TAF1B: variants seen among roughly 807,000 people sequenced by gnomAD.
The protein encoded by TAF1B is TATA box-binding protein-associated factor RNA polymerase I subunit B.
In TAF1B, 61 loss-of-function variants were observed where a neutral mutation model predicts 83.9. The ratio of observed to expected loss-of-function variants is 0.73; its 90% CI spans 0.59 to 0.90. The LOEUF (loss-of-function observed/expected upper bound fraction) is 0.90. TAF1B is among the 40% of genes least tolerant of loss of function. The pLI, the probability that TAF1B is intolerant of heterozygous loss-of-function variation, is 0.00. For synonymous variants in TAF1B, 221 were observed against 224.6 expected, an observed-to-expected ratio of 0.98 and a Z score of 0.14; for missense variants, 625 against 677.0, an observed-to-expected ratio of 0.92 and a Z score of 0.85.
In TAF1B at chr2:9,899,954, T is replaced by A. The variant is rs542883141; in HGVS notation, c.808-4905T>A. Among the ~76,000 whole-genome samples the A allele has an allele frequency of 4.3e-4, 65 of 152,342 alleles. 1 individual carries two copies. In the East Asian group the frequency reaches 6.4e-3, roughly 15 times the overall value. ...AGCACGTTTTCTTAGCTGCTTAATA[T>A]GATGCATGATATGTGTATCTAACAT... On this transcript the variant is annotated intron_variant, in intron 8 of 14. Coordinates refer to ENST00000263663, the MANE Select transcript of TAF1B (RefSeq NM_005680.3).
intron 12 of TAF1B, 120 bp downstream of exon 12, chr2:9,913,369 A>G: frequency 2.8e-6 from 2 of 716,010 alleles, no homozygotes; most frequent in East Asian, 2.6e-5. Flanking sequence ...TTTTCTGGAA[A>G]TATTAGCCCT....
At chr2:9,880,340 T>A (rs1295685889) in intron 7 of TAF1B, among the ~76,000 whole-genome samples, 1 of 151,994 alleles carries the variant, frequency 6.6e-6, no homozygotes, top group South Asian at 2.1e-4. Context: ...ACACCAGTTT[T>A]TCTGTCAACT....
intron 7 of TAF1B, among the ~76,000 whole-genome samples, chr2:9,877,331 C>G (rs553427749): frequency 1.6e-4 from 25 of 152,314 alleles, no homozygotes; most frequent in African/African-American, 5.8e-4. Context: ...CATCTGTCTC[C>G]TTGATCCAGC....
chr2:9,868,564 T>C, intron 6 of TAF1B, 135 bp downstream of exon 6: 1 of 1,245,936 alleles, frequency 8.0e-7, no homozygotes, highest in South Asian at 1.3e-5. Flanking sequence ...AAGAATGACT[T>C]GCTGAATCAT....
chr2:9,897,417 T>C lies in TAF1B; in HGVS notation c.808-7442T>C, dbSNP rs75871373. Among the ~76,000 whole-genome samples the C allele has an allele frequency of 1.2e-3, 178 of 152,368 alleles. 3 individuals carry two copies. In the East Asian group the frequency reaches 0.03, roughly 26 times the overall value. On this transcript the variant is annotated intron_variant, in intron 8 of 14. Transcript: ENST00000263663. ...GTCCTCTCAAGAATTAGTCATTTCATCATCCCTCACTAGACGCAGCAAGAA... is the reference window on the plus strand; with the variant it reads ...GTCCTCTCAAGAATTAGTCATTTCACCATCCCTCACTAGACGCAGCAAGAA...
intron 5 of TAF1B, 51 bp downstream of exon 5, chr2:9,854,472 T>G (rs1663495132): frequency 7.2e-7 from 1 of 1,397,886 alleles, no homozygotes; most frequent in South Asian, 1.2e-5. Context: ...TGTTGAGATG[T>G]AGAGATGAAG....
chr2:9,911,667 C>A, intron 11 of TAF1B, 110 bp downstream of exon 11: 2 of 599,718 alleles, frequency 3.3e-6, no homozygotes, highest in Non-Finnish European at 2.7e-6. Flanking sequence ...CACATAAACA[C>A]ATGTATACAA....
chr2:9,931,149 G>A (rs374502601), intron 14 of TAF1B, among the ~76,000 whole-genome samples: 1 of 151,968 alleles, frequency 6.6e-6, no homozygotes, highest in East Asian at 1.9e-4. Flanking sequence ...TTTTAATTGG[G>A]GCATTTAGCC....
Position 9,919,245 on chromosome 2 carries a change from A to G in TAF1B, c.1342+134A>G, listed in dbSNP as rs553987166. ...AATGTTCCAGGGCACATGTACATCC[A>G]AAGGAGCATCATACTCTGCAAGAAA... On this transcript the variant is annotated intron_variant, in intron 13 of 14. Coordinates refer to ENST00000263663, the MANE Select transcript of TAF1B (RefSeq NM_005680.3). The G allele has an allele frequency of 1.2e-4, 85 of 706,612 alleles. 1 individual carries two copies. Among genetic ancestry groups the G allele is most frequent in the South Asian group, 9.3e-4 (51 of 54,672 alleles). The allele number at this position is 706,612 out of a possible 1,614,324, so 43.8% of individuals were successfully genotyped here. A position where few individuals can be genotyped will look rare whatever the true frequency, so the allele number is the denominator to read the frequency against.
chr2:9,856,182 G>A (rs1663560256), intron 5 of TAF1B, among the ~76,000 whole-genome samples: 1 of 152,036 alleles, frequency 6.6e-6, no homozygotes, highest in Non-Finnish European at 1.5e-5. Flanking sequence ...AGCTCCTTCA[G>A]TATCCTCATG....
chr2:9,910,837 A>C lies in TAF1B; in HGVS notation c.1057A>C (p.Lys353Gln). The C allele has an allele frequency of 1.2e-6, 2 of 1,613,746 alleles. No individual in the cohort carries two copies. The highest frequency in any genetic ancestry group is 8.5e-7 in the Non-Finnish European group (1 of 1,179,774). Reference sequence around the variant, plus strand: ...TATAGCTAAAATGGCAAAAACTGTTAAGTACGATGTACAAGCTGTAGCTAT... The same window carrying C: ...TATAGCTAAAATGGCAAAAACTGTTCAGTACGATGTACAAGCTGTAGCTAT... ...DPIAKMAKTVKYDVQAVAIIV... is the reference protein window; with the variant it reads ...DPIAKMAKTVQYDVQAVAIIV... The change falls in exon 10 of 15, where the codon AAG (lysine) becomes CAG (glutamine). Residue 353 changes from lysine (K) to glutamine (Q), a missense_variant. Lys to Gln is a moderately conservative substitution (Grantham distance 53). Transcript: ENST00000263663.
Position 9,923,376 on chromosome 2 carries a change from CGATTAAAGAGT to C in TAF1B, c.1565+3558_1565+3568del, listed in dbSNP as rs560651124. The stretch of plus-strand genomic sequence containing the variant: ...AAAAAAAGTTGAGCTGCATCTACAA[CGATTAAAGAGT>C]GGCACTGTTGGCCGGGCACGGTGGT... On this transcript the variant is annotated intron_variant, in intron 14 of 14. Transcript: ENST00000263663. Among the ~76,000 whole-genome samples, 1,321 of 151,988 alleles carry C rather than the reference CGATTAAAGAGT, an allele frequency of 8.7e-3. 8 individuals are homozygous for C. Among genetic ancestry groups the C allele is most frequent in the Non-Finnish European group, 0.015 (986 of 67,996 alleles).
Position 9,913,173 on chromosome 2 carries a change from G to T in TAF1B, c.1195G>T (p.Asp399Tyr). ...ATTTCTTTCAGATAAGCCATGGTTT[G>T]ATTTCAGAAAGTGGTACCAAATTAT... Reference protein sequence around the residue: ...EKNKKDKPWFDFRKWYQIMKK... With the variant: ...EKNKKDKPWFYFRKWYQIMKK... The change falls in exon 12 of 15, where the codon GAT (aspartate) becomes TAT (tyrosine). Residue 399 changes from aspartate (D) to tyrosine (Y), a missense_variant. By Grantham distance (160) the Asp-to-Tyr change is radical. Transcript: ENST00000263663. 1 of 1,607,308 alleles carries T rather than the reference G, an allele frequency of 6.2e-7. No homozygotes were observed. Among genetic ancestry groups the T allele is most frequent in the Non-Finnish European group, 8.5e-7 (1 of 1,177,882 alleles).
chr2:9,887,169 GA>G (rs1664703922), intron 8 of TAF1B, among the ~76,000 whole-genome samples: 1 of 152,096 alleles, frequency 6.6e-6, no homozygotes, highest in South Asian at 2.1e-4. Flanking sequence ...GTTTCAACCT[GA>G]AATATTATTT....
At chr2:9,852,534 C>T (rs1308273815) in intron 4 of TAF1B, among the ~76,000 whole-genome samples, 15 of 152,102 alleles carry the variant, frequency 9.9e-5, no homozygotes, top group Admixed American at 9.8e-4. Context: ...CTCTGTTGCC[C>T]AGGCTGGAGT....
At chr2:9,870,560 T>G (rs535864997) in intron 6 of TAF1B, among the ~76,000 whole-genome samples, 1 of 152,360 alleles carries the variant, frequency 6.6e-6, no homozygotes, top group Admixed American at 6.5e-5. Flanking sequence ...TCAACTCTTT[T>G]GTGACTTTCA....
chr2:9,934,184 G>A lies in TAF1B; in HGVS notation c.*200G>A. ...GCTTCATTTGATTTTATTTTTCAGA[G>A]TATGAACATTCTAAGAGAAAGTTAA... On this transcript the variant is annotated 3_prime_UTR_variant, in exon 15 of 15. Transcript: ENST00000263663. 2.1e-6 allele frequency: 1 copy of A among 483,164 alleles called. No individual in the cohort carries two copies. The highest frequency in any genetic ancestry group is 3.4e-5 in the East Asian group (1 of 29,410). The allele number at this position is 483,164 out of a possible 1,614,324, so 29.9% of individuals were successfully genotyped here. A position where few individuals can be genotyped will look rare whatever the true frequency, so the allele number is the denominator to read the frequency against.
chr2:9,900,272 G>A (rs1572264857), intron 8 of TAF1B, among the ~76,000 whole-genome samples: 1 of 152,318 alleles, frequency 6.6e-6, no homozygotes, highest in African/African-American at 2.4e-5. Context: ...AGTGGCTCAT[G>A]CCTGCAATCC....
At chr2:9,894,255 A>G (rs1228014676) in intron 8 of TAF1B, among the ~76,000 whole-genome samples, 1 of 152,196 alleles carries the variant, frequency 6.6e-6, no homozygotes, top group Non-Finnish European at 1.5e-5. Flanking sequence ...CTATTTTCAG[A>G]AAAATTCAAA....
Sources: gnomAD v4.1 joint callset for allele counts (sites outside exome capture counted in the v4.1 genomes callset) on GRCh38, gnomAD v4.1.1 for gene constraint, MANE v1.5 for transcripts, NCBI Gene and HGNC (gene_info 2026-07-23, HGNC 2026-07-21) for gene names.